The following DENND4A variants were observed in gnomAD, a reference collection of about 807,000 sequenced individuals.
The protein encoded by DENND4A is DENN domain containing 4A, also known as C-myc promoter-binding protein.
Under a neutral mutation model 199.3 loss-of-function variants are expected in DENND4A, and 70 were observed. The ratio of observed to expected loss-of-function variants is 0.35; its 90% CI spans 0.29 to 0.43. DENND4A has a LOEUF of 0.43. DENND4A is among the 20% of genes least tolerant of loss of function. DENND4A has a pLI of 1.00. For synonymous variants in DENND4A, 686 were observed against 766.9 expected (o/e 0.89, Z 1.74); for missense variants, 1,723 against 2,255.8 (o/e 0.76, Z 4.78).
chr15:65,747,899 G>A (rs1347020717), intron 4 of DENND4A, among the ~76,000 whole-genome samples: 1 of 151,638 alleles, frequency 6.6e-6, no homozygotes, highest in Non-Finnish European at 1.5e-5. Context: ...AAATAGTCAG[G>A]CGTGGTGGCG....
At chr15:65,770,680 T>C (rs1286280669) in intron 1 of DENND4A, among the ~76,000 whole-genome samples, 1 of 152,198 alleles carries the variant, frequency 6.6e-6, no homozygotes, top group Non-Finnish European at 1.5e-5. Flanking sequence ...AAAAGTTTCA[T>C]TGTTTAAAGT....
chr15:65,692,484 C>G (rs1228755986), intron 22 of DENND4A, among the ~76,000 whole-genome samples: 3 of 152,142 alleles, frequency 2.0e-5, no homozygotes, highest in Non-Finnish European at 4.4e-5. Flanking sequence ...GCTTTATGCA[C>G]AGAATTAGCT....
At chr15:65,724,210 G>A (rs1483289915) in intron 11 of DENND4A, among the ~76,000 whole-genome samples, 1 of 151,880 alleles carries the variant, frequency 6.6e-6, no homozygotes, top group Non-Finnish European at 1.5e-5. Flanking sequence ...CTACAGGCGC[G>A]CACCCCTACA....
intron 12 of DENND4A, among the ~76,000 whole-genome samples, chr15:65,720,947 T>TTCTATA (rs1435137020): frequency 3.7e-4 from 28 of 76,266 alleles, no homozygotes; most frequent in Middle Eastern, 8.8e-3. Context: ...GTTTCATTGA[T>TTCTATA]TATATATATA....
Position 65,676,629 on chromosome 15 carries a change from T to G in DENND4A, c.4185A>C (p.Gln1395His). ...FTMYTTSSKD[Q>H]SSDRTSLSSV... ...AAGAAAGACTGGTACGATCAGAACT[T>G]TGATCCTAAGGACATAATTATAAGC... is the stretch of plus-strand genomic sequence containing the variant. Residue 1395 changes from glutamine to histidine, a missense_variant, in exon 24 of 33, where the codon CAA becomes CAC. Coordinates refer to ENST00000443035, the MANE Select transcript of DENND4A (RefSeq NM_001320835.1). 6.2e-7 allele frequency: 1 copy of G among 1,610,378 alleles called. No homozygotes were observed. Among genetic ancestry groups the G allele is most frequent in the Non-Finnish European group, 8.5e-7 (1 of 1,178,172 alleles).
chr15:65,719,289 C>G (rs2075526205), intron 12 of DENND4A: 2 of 150,890 alleles, frequency 1.3e-5, no homozygotes, highest in Non-Finnish European at 2.9e-5. Context: ...CCTGTGCAAA[C>G]TGAGTGCAGG....
chr15:65,725,171 T>C (rs554711324), intron 11 of DENND4A, among the ~76,000 whole-genome samples: 1 of 152,286 alleles, frequency 6.6e-6, no homozygotes, highest in Non-Finnish European at 1.5e-5. Flanking sequence ...AGTAAATGTA[T>C]ATTTACTCAT....
rs751798280 is a variant in DENND4A, at chr15:65,706,481, CACACACACACACACAT to C, written c.1954-273_1954-258del. ...ACACACACACACACACACACACACA[CACACACACACACACAT>C]ATATATATATATTTTTTTTTGAGAC... is the stretch of plus-strand genomic sequence containing the variant. On this transcript the variant is annotated intron_variant, in intron 14 of 32. Transcript: ENST00000443035. Among the ~76,000 whole-genome samples the C allele has an allele frequency of 6.3e-3, 708 of 112,564 alleles. 16 individuals are homozygous for C. Among genetic ancestry groups the C allele is most frequent in the South Asian group, 0.053 (180 of 3,418 alleles). 73.8% of individuals were successfully genotyped at this position (112,564 alleles called of 152,430 possible).
intron 22 of DENND4A, among the ~76,000 whole-genome samples, chr15:65,692,680 C>T (rs946161364): frequency 6.6e-6 from 1 of 151,916 alleles, no homozygotes; most frequent in African/African-American, 2.4e-5. Flanking sequence ...CTTTTTTTCA[C>T]CAGCTTACGA....
intron 23 of DENND4A, among the ~76,000 whole-genome samples, chr15:65,679,797 TAAGCAGGCCACCC>T (rs2076509358): frequency 2.0e-5 from 3 of 152,056 alleles, no homozygotes; most frequent in African/African-American, 7.2e-5. Flanking sequence ...AGCATGTCTG[TAAGCAGGCCACCC>T]TTTAGAGTGC....
chr15:65,734,651 C>A (rs1433176017), intron 7 of DENND4A, among the ~76,000 whole-genome samples: 2 of 152,110 alleles, frequency 1.3e-5, no homozygotes, highest in Admixed American at 1.3e-4. Context: ...AAACAAACGT[C>A]AAGCAGGGGA....
chr15:65,771,954 AC>A (rs2077142611), intron 1 of DENND4A: 1 of 1,584,078 alleles, frequency 6.3e-7, no homozygotes, highest in Non-Finnish European at 8.6e-7. Context: ...AATCTTCATC[AC>A]CACTATCTTT....
At chr15:65,782,011 G>A (rs1197990230) in intron 1 of DENND4A, among the ~76,000 whole-genome samples, 2 of 152,222 alleles carry the variant, frequency 1.3e-5, no homozygotes, top group Non-Finnish European at 2.9e-5. Context: ...TTAAACTACA[G>A]TGGGATAAAG....
At chr15:65,714,493 T>C (rs1026413432) in intron 14 of DENND4A, among the ~76,000 whole-genome samples, 2 of 151,936 alleles carry the variant, frequency 1.3e-5, no homozygotes, top group African/African-American at 4.8e-5. Flanking sequence ...ATATGTAACA[T>C]TCTCCCATCT....
chr15:65,662,925 G>C (rs1160893172), intron 32 of DENND4A, among the ~76,000 whole-genome samples: 2 of 152,076 alleles, frequency 1.3e-5, no homozygotes, highest in Non-Finnish European at 2.9e-5. Context: ...CTTTGGCAGA[G>C]GGCTAGAGTA....
At chr15:65,730,204 C>A (rs1170034942) in intron 9 of DENND4A, among the ~76,000 whole-genome samples, 2 of 151,914 alleles carry the variant, frequency 1.3e-5, no homozygotes, top group East Asian at 1.9e-4. Context: ...TCAAGAGGTA[C>A]AAGATGATAA....
At position 65,670,086 on chromosome 15, in the gene DENND4A, T is replaced by C. The variant is rs1311390745; in HGVS notation, c.4567A>G (p.Thr1523Ala). 1.9e-6 allele frequency: 3 copies of C among 1,606,936 alleles called. No individual in the cohort carries two copies. The African/African-American group carries it at 4.0e-5, about 22-fold the overall frequency. The change falls in exon 26 of 33, where the codon ACA (threonine) becomes GCA (alanine). Residue 1523 changes from threonine to alanine, a missense_variant. Physicochemically the swap from Thr to Ala is moderately conservative, Grantham distance 58. Around this residue, in one of 6 missense-constraint regions of DENND4A, gnomAD observed 7 missense variants for 28.4 expected, o/e 0.25. Coordinates refer to ENST00000443035, the MANE Select transcript of DENND4A (RefSeq NM_001320835.1). ...WTADDSNLNT[T>A]CPFCGNIFLP... ...AAGATATTGCCACAGAATGGGCATG[T>C]AGTATTGAGATTTGAATCATCTGCT... is the stretch of plus-strand genomic sequence containing the variant.
intron 11 of DENND4A, among the ~76,000 whole-genome samples, chr15:65,728,732 G>A (rs1449638548): frequency 1.3e-5 from 2 of 151,952 alleles, no homozygotes; most frequent in South Asian, 2.1e-4. Flanking sequence ...CAGGTGATCC[G>A]ACCACCTTGG....
chr15:65,728,860 G>A (rs2075884398), intron 11 of DENND4A: 2 of 578,686 alleles, frequency 3.5e-6, no homozygotes, highest in South Asian at 3.7e-5. Context: ...GAGGATGAAA[G>A]GTATAGTCCT....
Sources: allele counts gnomAD v4.1 joint callset (sites outside exome capture counted in the v4.1 genomes callset), GRCh38; gene constraint gnomAD v4.1.1; regional missense constraint gnomAD v4.1.1; transcripts MANE v1.5; gene names NCBI Gene and HGNC (gene_info 2026-07-23, HGNC 2026-07-21).